The following EXOC2 variants were observed in gnomAD, a reference collection of about 807,000 sequenced individuals.
EXOC2 encodes SEC5-like 1.
Under a neutral mutation model 131.8 loss-of-function variants are expected in EXOC2, and 70 were observed. That is an observed-to-expected ratio of 0.53 (90% CI 0.44 to 0.65). EXOC2 has a LOEUF of 0.65. EXOC2 is among the 30% of genes least tolerant of loss of function. The pLI, the probability that EXOC2 is intolerant of heterozygous loss-of-function variation, is 0.00. For missense variants in EXOC2, 923 were observed against 1,108.6 expected, an observed-to-expected ratio of 0.83 and a Z score of 2.38; for synonymous variants, 411 against 398.4, an observed-to-expected ratio of 1.03 and a Z score of -0.38.
chr6:551,236 G>A (rs2127568498), intron 21 of EXOC2, among the ~76,000 whole-genome samples: 1 of 152,320 alleles, frequency 6.6e-6, no homozygotes, highest in Middle Eastern at 3.4e-3. Flanking sequence ...AACCCGCTCA[G>A]TGATGTGCCT....
At chr6:491,300 T>C in intron 25 of EXOC2, 114 bp from the exon 26 acceptor site, 1 of 1,028,094 alleles carries the variant, frequency 9.7e-7, no homozygotes, top group Non-Finnish European at 1.5e-6. Flanking sequence ...GTTGGCGTAA[T>C]ACCACCATGG....
intron 24 of EXOC2, among the ~76,000 whole-genome samples, chr6:499,380 G>A (rs376769893): frequency 4.6e-5 from 7 of 150,836 alleles, no homozygotes; most frequent in East Asian, 3.9e-4. Flanking sequence ...TATGAATTTA[G>A]CTGGAATTAT....
chr6:488,204 C>T (rs143038392), intron 27 of EXOC2, among the ~76,000 whole-genome samples: 5 of 152,350 alleles, frequency 3.3e-5, no homozygotes, highest in South Asian at 4.1e-4. Context: ...ACAGCTCCCC[C>T]CCATGGCCCA....
rs1763434793 is a variant in EXOC2, at chr6:661,816, G to C, written c.-43-23955C>G. On this transcript the variant is annotated intron_variant, in intron 1 of 27. Transcript: ENST00000230449. ...TACCTCACATTTCAATGCTAACGCT[G>C]AAAGTAAATGGCCTAAATGCTCCAC... Among the ~76,000 whole-genome samples the C allele has an allele frequency of 2.0e-5, 3 of 152,184 alleles. No homozygotes were observed. The South Asian group carries it at 6.2e-4, about 31-fold the overall frequency.
intron 22 of EXOC2, among the ~76,000 whole-genome samples, chr6:542,748 T>C (rs62388791): frequency 0.06 from 9,200 of 152,248 alleles, 348 homozygotes; most frequent in Middle Eastern, 0.11. Flanking sequence ...TGTGTACTTA[T>C]TGAATGAGTG....
At chr6:611,121 T>C (rs2127664541) in intron 6 of EXOC2, among the ~76,000 whole-genome samples, 1 of 152,216 alleles carries the variant, frequency 6.6e-6, no homozygotes. Flanking sequence ...GGAGATGGAC[T>C]ATGCCTAAGC....
At chr6:678,361 G>C (rs1314260637) in intron 1 of EXOC2, among the ~76,000 whole-genome samples, 2 of 152,146 alleles carry the variant, frequency 1.3e-5, no homozygotes, top group African/African-American at 4.8e-5. Flanking sequence ...GGATTAAATG[G>C]AATCATGTGT....
At chr6:523,681 T>C (rs1765600514) in intron 23 of EXOC2, among the ~76,000 whole-genome samples, 1 of 152,214 alleles carries the variant, frequency 6.6e-6, no homozygotes, top group Non-Finnish European at 1.5e-5. Flanking sequence ...TCAGTTCTTT[T>C]AAAAAAATTG....
At chr6:608,308 G>C (rs1760532297) in intron 7 of EXOC2, among the ~76,000 whole-genome samples, 1 of 152,144 alleles carries the variant, frequency 6.6e-6, no homozygotes, top group Non-Finnish European at 1.5e-5. Flanking sequence ...CACAACCAGA[G>C]TTAAATAAAC....
chr6:491,099 C>T, intron 26 of EXOC2, 26 bp downstream of exon 26: 2 of 1,612,344 alleles, frequency 1.2e-6, no homozygotes, highest in Non-Finnish European at 1.7e-6. Context: ...TAATAGAGCA[C>T]TCAACTAAAG....
At chr6:518,787 T>C (rs1449786034) in intron 23 of EXOC2, among the ~76,000 whole-genome samples, 8 of 152,194 alleles carry the variant, frequency 5.3e-5, no homozygotes, top group Non-Finnish European at 8.8e-5. Flanking sequence ...TTATACTCCT[T>C]TAGAAAATGT....
intron 22 of EXOC2, among the ~76,000 whole-genome samples, chr6:538,962 C>G (rs1345783604): frequency 6.6e-6 from 1 of 151,806 alleles, no homozygotes; most frequent in South Asian, 2.1e-4. Context: ...ATCCCAGCTA[C>G]TAGGGAGGTT....
At chr6:656,047 G>C (rs1208371310) in intron 1 of EXOC2, 7 of 1,236,868 alleles carry the variant, frequency 5.7e-6, no homozygotes, top group Non-Finnish European at 8.1e-6. Context: ...ATTAACTCAG[G>C]GTCTGTTTTA....
At chr6:687,759 G>A (rs1293381444) in intron 1 of EXOC2, among the ~76,000 whole-genome samples, 1 of 152,236 alleles carries the variant, frequency 6.6e-6, no homozygotes, top group Non-Finnish European at 1.5e-5. Context: ...TCAGGAGAGT[G>A]ATCGTAGCTG....
intron 11 of EXOC2, among the ~76,000 whole-genome samples, chr6:584,365 AAC>A (rs1377366190): frequency 1.3e-5 from 2 of 152,252 alleles, no homozygotes; most frequent in African/African-American, 4.8e-5. Flanking sequence ...AGCAAGATAT[AAC>A]AGTTTATACT....
At chr6:584,931 G>A (rs1759119553) in intron 11 of EXOC2, among the ~76,000 whole-genome samples, 1 of 152,172 alleles carries the variant, frequency 6.6e-6, no homozygotes, top group African/African-American at 2.4e-5. Context: ...CACCTTTGAA[G>A]ACCACCTTTA....
At chr6:629,769 C>T in intron 4 of EXOC2, 66 bp downstream of exon 4, 1 of 1,577,636 alleles carries the variant, frequency 6.3e-7, no homozygotes, top group Non-Finnish European at 8.6e-7. Flanking sequence ...AGTCCCTTTC[C>T]TGTAAGTATA....
In EXOC2 at chr6:485,436, C is replaced by G. The variant is rs1283590231; in HGVS notation, c.*1235G>C. On this transcript the variant is annotated 3_prime_UTR_variant, in exon 28 of 28. Coordinates refer to ENST00000230449, the MANE Select transcript of EXOC2 (RefSeq NM_018303.6). ...ATGGCTACACTGTGCTCTAAAATTA[C>G]TTGCATTAATGAGGACATTAATTTT... 6.6e-6 allele frequency: 1 copy of G among 152,236 alleles called. No homozygotes were observed. The highest frequency in any genetic ancestry group is 1.5e-5 in the Non-Finnish European group (1 of 68,028). The allele number at this position is 152,236 out of a possible 1,614,324, so 9.4% of individuals were successfully genotyped here.
intron 1 of EXOC2, among the ~76,000 whole-genome samples, chr6:682,050 G>A (rs961251496): frequency 2.0e-5 from 3 of 152,216 alleles, no homozygotes; most frequent in Non-Finnish European, 4.4e-5. Flanking sequence ...ACCGGCATTG[G>A]TGAAACTCCA....
Sources: allele counts gnomAD v4.1 joint callset (sites outside exome capture counted in the v4.1 genomes callset), GRCh38; gene constraint gnomAD v4.1.1; transcripts MANE v1.5; gene names NCBI Gene and HGNC (gene_info 2026-07-23, HGNC 2026-07-21).